Variants in SCAMP1 observed in about 807,000 individuals in gnomAD.
SCAMP1 encodes the protein secretory carrier-associated membrane protein 1.
SCAMP1 carries 15 observed loss-of-function variants against 41.8 expected under a neutral mutation model. That is an observed-to-expected ratio of 0.36 (90% confidence interval 0.24 to 0.55). The LOEUF (loss-of-function observed/expected upper bound fraction) is 0.55, where lower values mean the gene tolerates loss of function less well. Ranked by LOEUF, SCAMP1 falls within the 20% of genes least tolerant of loss-of-function variation. The probability of loss-of-function intolerance (pLI) is 0.86; values close to 1 mark genes in which losing one functional copy is unlikely to be tolerated. For missense variants in SCAMP1, 341 were observed against 412.6 expected, an observed-to-expected ratio of 0.83 and a Z score of 1.50; for synonymous variants, 135 against 136.8, an observed-to-expected ratio of 0.99 and a Z score of 0.09.
At chr5:78,471,860 T>C (rs1203577650) in intron 8 of SCAMP1, among the ~76,000 whole-genome samples, 2 of 152,064 alleles carry the variant, frequency 1.3e-5, no homozygotes, top group African/African-American at 4.8e-5. Context: ...GTAACAAATA[T>C]TCTTTTTTTA....
intron 1 of SCAMP1, among the ~76,000 whole-genome samples, chr5:78,371,764 C>T (rs1366644214): frequency 6.6e-6 from 1 of 152,086 alleles, no homozygotes. Flanking sequence ...TAAATGCTTC[C>T]TTAAAAGAAA....
intron 6 of SCAMP1, among the ~76,000 whole-genome samples, chr5:78,448,700 A>G (rs931824404): frequency 6.6e-6 from 1 of 152,198 alleles, no homozygotes; most frequent in African/African-American, 2.4e-5. Flanking sequence ...GCCAGTGGGG[A>G]TGAAAAGTAG....
intron 1 of SCAMP1, chr5:78,370,929 G>A (rs553529683): frequency 3.3e-5 from 5 of 152,256 alleles, no homozygotes; most frequent in African/African-American, 9.6e-5. Flanking sequence ...AACTAATGAT[G>A]TTGAGAATCT....
At chr5:78,416,156 TAGG>T (rs1485343913) in intron 3 of SCAMP1, among the ~76,000 whole-genome samples, 5 of 152,318 alleles carry the variant, frequency 3.3e-5, no homozygotes, top group Admixed American at 6.5e-5. Context: ...ATCTGATTAA[TAGG>T]AGCCAATTCA....
intron 6 of SCAMP1, among the ~76,000 whole-genome samples, chr5:78,443,903 C>T (rs1752991055): frequency 6.6e-6 from 1 of 152,004 alleles, no homozygotes; most frequent in Non-Finnish European, 1.5e-5. Flanking sequence ...GCGAACCTCC[C>T]ACCTTGGCTC....
intron 6 of SCAMP1, among the ~76,000 whole-genome samples, chr5:78,427,238 G>T (rs1262431274): frequency 6.6e-6 from 1 of 152,166 alleles, no homozygotes; most frequent in Non-Finnish European, 1.5e-5. Flanking sequence ...GAATGAAGAA[G>T]CCAGTTGGGG....
chr5:78,394,763 T>C (rs1258827484), intron 2 of SCAMP1, among the ~76,000 whole-genome samples: 1 of 152,240 alleles, frequency 6.6e-6, no homozygotes, highest in African/African-American at 2.4e-5. Context: ...TGGAACCTCT[T>C]TGTTTCCAGT....
chr5:78,412,268 C>T (rs1362780516), intron 2 of SCAMP1, among the ~76,000 whole-genome samples: 1 of 151,822 alleles, frequency 6.6e-6, no homozygotes, highest in African/African-American at 2.4e-5. Context: ...TGATTTCTTT[C>T]CCCTCATCTT....
Position 78,391,601 on chromosome 5 carries a change from G to T in SCAMP1, c.135+2687G>T, listed in dbSNP as rs1287508273. 5.3e-5 allele frequency among the ~76,000 whole-genome samples: 8 copies of T among 152,168 alleles called. No individual in the cohort carries two copies. In the East Asian group the frequency reaches 1.6e-3, roughly 30 times the overall value. On this transcript the variant is annotated intron_variant, in intron 2 of 8. Coordinates refer to ENST00000621999, the MANE Select transcript of SCAMP1 (RefSeq NM_004866.6). Reference sequence around the variant, plus strand: ...AGAGACGCTCCTCACTTCCCACACGGGGTGGCGGCCGGGCAGAGGCTGCAC... The same window carrying T: ...AGAGACGCTCCTCACTTCCCACACGTGGTGGCGGCCGGGCAGAGGCTGCAC...
chr5:78,372,420 C>T (rs1750964082), intron 1 of SCAMP1, among the ~76,000 whole-genome samples: 1 of 152,114 alleles, frequency 6.6e-6, no homozygotes, highest in African/African-American at 2.4e-5. Context: ...GCACCAAACC[C>T]AAGCATTCTC....
At chr5:78,402,126 G>T (rs1265573082) in intron 2 of SCAMP1, among the ~76,000 whole-genome samples, 2 of 149,842 alleles carry the variant, frequency 1.3e-5, no homozygotes, top group South Asian at 2.1e-4. Flanking sequence ...CATATTTTGG[G>T]ATGTTTCAGT....
intron 7 of SCAMP1, among the ~76,000 whole-genome samples, chr5:78,456,515 C>T (rs919467556): frequency 6.6e-6 from 1 of 151,502 alleles, no homozygotes; most frequent in African/African-American, 2.4e-5. Flanking sequence ...TATTGGCCCC[C>T]ACTCTCTTCT....
intron 2 of SCAMP1, among the ~76,000 whole-genome samples, chr5:78,411,840 T>C (rs1752084456): frequency 6.6e-6 from 1 of 152,140 alleles, no homozygotes; most frequent in Non-Finnish European, 1.5e-5. Flanking sequence ...TGAAACATAA[T>C]GCCAAATTGT....
intron 1 of SCAMP1, among the ~76,000 whole-genome samples, chr5:78,386,826 G>T (rs1751353362): frequency 6.6e-6 from 1 of 152,176 alleles, no homozygotes; most frequent in Non-Finnish European, 1.5e-5. Flanking sequence ...TGAGAAATCT[G>T]TTAATCTGAT....
At chr5:78,429,781 T>G (rs1446567173) in intron 6 of SCAMP1, among the ~76,000 whole-genome samples, 1 of 152,080 alleles carries the variant, frequency 6.6e-6, no homozygotes, top group Non-Finnish European at 1.5e-5. Context: ...ATATTTATTG[T>G]ATTTTGAGAA....
At chr5:78,471,426 C>T (rs1265770342) in intron 8 of SCAMP1, among the ~76,000 whole-genome samples, 2 of 152,018 alleles carry the variant, frequency 1.3e-5, no homozygotes, top group African/African-American at 4.8e-5. Context: ...GCTTAGACGT[C>T]CATACTTTTT....
chr5:78,467,887 C>T (rs1753785095), intron 8 of SCAMP1, among the ~76,000 whole-genome samples: 1 of 152,124 alleles, frequency 6.6e-6, no homozygotes, highest in Non-Finnish European at 1.5e-5. Flanking sequence ...TCAAAACTGG[C>T]AGTTTAATGA....
chr5:78,443,531 T>C (rs143724427), intron 6 of SCAMP1, among the ~76,000 whole-genome samples: 3 of 152,232 alleles, frequency 2.0e-5, no homozygotes, highest in African/African-American at 4.8e-5. Context: ...TAAAACTTCA[T>C]GTAATGTGAG....
At chr5:78,448,564 T>C (rs1753134895) in intron 6 of SCAMP1, among the ~76,000 whole-genome samples, 1 of 152,218 alleles carries the variant, frequency 6.6e-6, no homozygotes, top group Admixed American at 6.5e-5. Flanking sequence ...TCAACAACAT[T>C]ACTTATTAGG....
Sources: gnomAD v4.1 joint callset for allele counts (sites outside exome capture counted in the v4.1 genomes callset) on GRCh38, gnomAD v4.1.1 for gene constraint, MANE v1.5 for transcripts, NCBI Gene and HGNC (gene_info 2026-07-23, HGNC 2026-07-21) for gene names.